The following SLC6A16 variants were observed in gnomAD, a reference collection of about 807,000 sequenced individuals.
SLC6A16 encodes the protein solute carrier family 6 member 16.
Under a neutral mutation model 65.4 loss-of-function variants are expected in SLC6A16, and 54 were observed. The observed-to-expected ratio is 0.83, with a 90% CI of 0.66 to 1.04. The LOEUF (loss-of-function observed/expected upper bound fraction) is 1.04, where lower values mean the gene tolerates loss of function less well. Ranked by LOEUF, SLC6A16 falls within the 50% of genes least tolerant of loss-of-function variation. The pLI is 0.00. For synonymous variants in SLC6A16, 330 were observed against 346.5 expected, an observed-to-expected ratio of 0.95 and a Z score of 0.53; for missense variants, 816 against 914.0, an observed-to-expected ratio of 0.89 and a Z score of 1.38.
At chr19:49,295,544 T>C (rs1221123866) in intron 7 of SLC6A16, among the ~76,000 whole-genome samples, 3 of 152,336 alleles carry the variant, frequency 2.0e-5, no homozygotes, top group East Asian at 3.9e-4. Flanking sequence ...ACCAATTTTC[T>C]CATCGGAAAT....
the SLC6A16 span, chr19:49,339,294 G>C: frequency 6.3e-7 from 1 of 1,589,928 alleles, no homozygotes; most frequent in Non-Finnish European, 8.6e-7. The surrounding 1 kb of genome is among the most constrained non-coding windows in gnomAD (Gnocchi z 4.5). Context: ...GAGAGTCCCA[G>C]AAAGAATCCC....
chr19:49,291,452 CTCAATGTAAG>C (rs1970077191), intron 10 of SLC6A16, among the ~76,000 whole-genome samples: 3 of 152,238 alleles, frequency 2.0e-5, no homozygotes, highest in East Asian at 3.9e-4. Context: ...AGAAGAGTAT[CTCAATGTAAG>C]TCATTCATAT....
rs535969105 is a variant in SLC6A16, at chr19:49,310,380, A to C, written c.546T>G (p.Ile182Met). ...MGVWKIIAPWIGGVGYSSFMV... is the reference protein window; with the variant it reads ...MGVWKIIAPWMGGVGYSSFMV... ...TGAAGCTAGAATACCCCACACCACC[A>C]ATCCAGGGGGCAATGATCTTCCATA... The change falls in exon 3 of 12, where the codon ATT becomes ATG. Residue 182 changes from isoleucine to methionine, a missense_variant. Coordinates refer to ENST00000335875, the MANE Select transcript of SLC6A16 (RefSeq NM_014037.3). 2 of 1,614,064 alleles carry C rather than the reference A, an allele frequency of 1.2e-6. No homozygotes were observed. The highest frequency in any genetic ancestry group is 2.2e-5 in the South Asian group (2 of 91,072).
chr19:49,335,886 GCAGGCTA>G, the SLC6A16 span: 1 of 946,278 alleles, frequency 1.1e-6, no homozygotes, highest in Non-Finnish European at 1.7e-6. The surrounding 1 kb of genome is among the most constrained non-coding windows in gnomAD (Gnocchi z 4.6). Context: ...TACTCTGCAG[GCAGGCTA>G]CAGGCTCCCA....
At chr19:49,330,398 T>C in the SLC6A16 span, among the ~76,000 whole-genome samples, 1 of 152,144 alleles carries the variant, frequency 6.6e-6, no homozygotes, top group African/African-American at 2.4e-5. Flanking sequence ...TAGATTGCGA[T>C]GAACACTATG....
chr19:49,313,851 T>C (rs1026929513), intron 1 of SLC6A16, among the ~76,000 whole-genome samples: 2 of 151,750 alleles, frequency 1.3e-5, no homozygotes, highest in African/African-American at 4.8e-5. Flanking sequence ...TCCCAACACT[T>C]TGGGAGGCCG....
In SLC6A16 at chr19:49,314,205, T is replaced by G. The variant is rs187870980; in HGVS notation, c.-64-2794A>C. Among the ~76,000 whole-genome samples the G allele has an allele frequency of 2.9e-3, 440 of 151,882 alleles. 2 individuals are homozygous for G. The highest frequency in any genetic ancestry group is 9.2e-3 in the African/African-American group (380 of 41,432). ...GACAAAGAAATCCAATTGAAGAAGC[T>G]CTCATCAGCGAAATCTGGACAAATC... On this transcript the variant is annotated intron_variant, in intron 1 of 11. Transcript: ENST00000335875.
In SLC6A16 at chr19:49,325,100, T is replaced by C. The variant is rs1970778069; in HGVS notation, c.-117A>G. 1.0e-6 allele frequency: 1 copy of C among 985,544 alleles called. No individual in the cohort carries two copies. The highest frequency in any genetic ancestry group is 1.2e-6 in the Non-Finnish European group (1 of 830,024). The allele number at this position is 985,544 out of a possible 1,614,324, so 61.0% of individuals were successfully genotyped here. A position where few individuals can be genotyped will look rare whatever the true frequency, so the allele number is the denominator to read the frequency against. On this transcript the variant is annotated 5_prime_UTR_variant, in exon 1 of 12. Coordinates refer to ENST00000335875, the MANE Select transcript of SLC6A16 (RefSeq NM_014037.3). Reference sequence around the variant, plus strand: ...TTCAGTCCAGCCAGTCGGACAAAAATGAGGGTGAAGAAGCCCCAGCTGAGA... The same window carrying C: ...TTCAGTCCAGCCAGTCGGACAAAAACGAGGGTGAAGAAGCCCCAGCTGAGA...
At chr19:49,310,867 A>G in intron 2 of SLC6A16, 66 bp downstream of exon 2, 1 of 1,216,490 alleles carries the variant, frequency 8.2e-7, no homozygotes, top group Non-Finnish European at 1.2e-6. Flanking sequence ...TTCATGGTTA[A>G]AGCCTGGACA....
At chr19:49,314,595 T>C (rs913772325) in intron 1 of SLC6A16, among the ~76,000 whole-genome samples, 1 of 152,082 alleles carries the variant, frequency 6.6e-6, no homozygotes, top group African/African-American at 2.4e-5. Flanking sequence ...TATTACTGTA[T>C]CTCCCCACAA....
the SLC6A16 span, among the ~76,000 whole-genome samples, chr19:49,333,655 G>A: frequency 1.3e-5 from 2 of 152,136 alleles, no homozygotes; most frequent in Non-Finnish European, 2.9e-5. Context: ...AGGAGAGCAG[G>A]AGCCCAGAGC....
the SLC6A16 span, chr19:49,332,069 A>C: frequency 1.8e-5 from 8 of 455,496 alleles, no homozygotes; most frequent in South Asian, 1.2e-4. Context: ...TCTGTAGGCC[A>C]GAAGTCCAAA....
chr19:49,293,253 A>G lies in SLC6A16; in HGVS notation c.1748T>C (p.Met583Thr), dbSNP rs1415492287. 3 of 1,613,978 alleles carry G rather than the reference A, an allele frequency of 1.9e-6. No individual in the cohort carries two copies. The African/African-American group carries it at 4.0e-5, about 22-fold the overall frequency. ...PIIVVVVFET[M>T]AVSWAYGARR... is the part of the protein sequence containing the mutation. ...GGCCCCATAGGCCCAGGATACAGCCATGGTTTCAAATACGACAACGACGAT... is the reference window on the plus strand; with the variant it reads ...GGCCCCATAGGCCCAGGATACAGCCGTGGTTTCAAATACGACAACGACGAT... The change falls in exon 10 of 12, where the codon ATG becomes ACG. Residue 583 changes from methionine (M) to threonine (T), a missense_variant. Transcript: ENST00000335875.
At chr19:49,331,191 T>C in the SLC6A16 span, among the ~76,000 whole-genome samples, 4 of 152,134 alleles carry the variant, frequency 2.6e-5, no homozygotes, top group Admixed American at 2.6e-4. Context: ...TGTTCCACTT[T>C]TTTTTCCCCT....
chr19:49,320,931 A>G (rs1343400432), intron 1 of SLC6A16, among the ~76,000 whole-genome samples: 2 of 152,190 alleles, frequency 1.3e-5, no homozygotes, highest in Non-Finnish European at 2.9e-5. Flanking sequence ...ATTCTACTAA[A>G]CCTTTAATGA....
Position 49,293,295 on chromosome 19 carries a change from C to T in SLC6A16, c.1706G>A (p.Trp569Ter), listed in dbSNP as rs769695181. 4.3e-6 allele frequency: 7 copies of T among 1,614,090 alleles called. No individual in the cohort carries two copies. In the Admixed American group the frequency reaches 1.2e-4, roughly 27 times the overall value. Residue 569 changes from tryptophan (W) to a stop codon, truncating the protein, a stop_gained, in exon 10 of 12, where the codon TGG (tryptophan) becomes TAG (stop). Coordinates refer to ENST00000335875, the MANE Select transcript of SLC6A16 (RefSeq NM_014037.3). LOFTEE classifies it high-confidence loss of function. Reference protein sequence around the residue: ...SYFIRLLSDYWIVFPIIVVVV... With the variant: ...SYFIRLLSDY The stretch of plus-strand genomic sequence containing the variant: ...AACGACGATGATGGGGAAGACTATC[C>T]AGTAGTCACTCAGCAGTCTGATGAA...
At chr19:49,315,384 T>G (rs1382512230) in intron 1 of SLC6A16, among the ~76,000 whole-genome samples, 2 of 151,984 alleles carry the variant, frequency 1.3e-5, no homozygotes, top group African/African-American at 2.4e-5. Flanking sequence ...TTTATTGGAG[T>G]TATTGGTGGG....
At chr19:49,337,901 C>G in the SLC6A16 span, 1 of 1,613,590 alleles carries the variant, frequency 6.2e-7, no homozygotes, top group Non-Finnish European at 8.5e-7. Flanking sequence ...AAGATAAGGC[C>G]CAGCCTCACT....
intron 7 of SLC6A16, among the ~76,000 whole-genome samples, chr19:49,307,553 G>A (rs1007416152): frequency 4.0e-5 from 6 of 151,768 alleles, no homozygotes; most frequent in African/African-American, 9.7e-5. Context: ...AGGAGAGGTC[G>A]GGCGCGGTGG....
Sources: gnomAD v4.1 joint callset for allele counts (sites outside exome capture counted in the v4.1 genomes callset) on GRCh38, gnomAD v4.1.1 for gene constraint, Gnocchi (gnomAD v3.1) non-coding constraint, MANE v1.5 for transcripts, NCBI Gene and HGNC (gene_info 2026-07-23, HGNC 2026-07-21) for gene names.